The following NUMB variants were observed in gnomAD, a reference collection of about 807,000 sequenced individuals.
NUMB encodes protein numb homolog.
Under a neutral mutation model 59.7 loss-of-function variants are expected in NUMB, and 29 were observed. That is an observed-to-expected ratio of 0.49 (90% CI 0.36 to 0.66). The LOEUF (loss-of-function observed/expected upper bound fraction) is 0.66. NUMB is among the 30% of genes least tolerant of loss of function. NUMB has a pLI of 0.00. For missense variants in NUMB, 723 were observed against 822.0 expected (o/e 0.88, Z 1.47); for synonymous variants, 288 against 288.2 (o/e 1.00, Z 0.01).
At chr14:73,326,646 AG>A (rs1891679327) in intron 4 of NUMB, among the ~76,000 whole-genome samples, 1 of 151,940 alleles carries the variant, frequency 6.6e-6, no homozygotes, top group Non-Finnish European at 1.5e-5. Flanking sequence ...GAAAAAAAAA[AG>A]AAAAAGAAAA....
intron 3 of NUMB, among the ~76,000 whole-genome samples, chr14:73,364,383 A>T (rs965213307): frequency 6.6e-6 from 1 of 152,124 alleles, no homozygotes; most frequent in African/African-American, 2.4e-5. Context: ...GCCCGCTTAT[A>T]GTCCCAGCTA....
chr14:73,325,924 A>G (rs1891640061), intron 4 of NUMB, among the ~76,000 whole-genome samples: 1 of 152,214 alleles, frequency 6.6e-6, no homozygotes, highest in Non-Finnish European at 1.5e-5. Context: ...TGGTGATTCC[A>G]GGAAGATGGG....
chr14:73,368,629 A>G (rs530560628), intron 2 of NUMB, among the ~76,000 whole-genome samples: 2 of 152,258 alleles, frequency 1.3e-5, no homozygotes, highest in South Asian at 4.1e-4. Context: ...AGCAATTGGG[A>G]TAAACTATTG....
chr14:73,355,566 A>T, intron 4 of NUMB, 60 bp downstream of exon 4: 1 of 1,491,722 alleles, frequency 6.7e-7, no homozygotes, highest in East Asian at 2.4e-5. Context: ...ATGAGATTTC[A>T]CATACACTAG....
chr14:73,329,669 G>C (rs73309012), intron 4 of NUMB, among the ~76,000 whole-genome samples: 1 of 152,214 alleles, frequency 6.6e-6, no homozygotes, highest in African/African-American at 2.4e-5. Flanking sequence ...TACTCTCTTT[G>C]AACTTCCCAT....
At chr14:73,368,041 GT>G (rs1409770184) in intron 2 of NUMB, among the ~76,000 whole-genome samples, 1 of 130,930 alleles carries the variant, frequency 7.6e-6, no homozygotes, top group African/African-American at 2.8e-5. Context: ...TCTGCAAAGT[GT>G]TTAAAAAAAA....
chr14:73,446,149 A>C (rs1266760009), intron 1 of NUMB, among the ~76,000 whole-genome samples: 1 of 151,672 alleles, frequency 6.6e-6, no homozygotes, highest in Admixed American at 6.6e-5. Context: ...AGCACTCCCC[A>C]CCACACCCGG....
intron 4 of NUMB, among the ~76,000 whole-genome samples, chr14:73,325,744 C>T (rs1187716691): frequency 6.6e-6 from 1 of 152,166 alleles, no homozygotes; most frequent in African/African-American, 2.4e-5. Context: ...AATGGAACTC[C>T]TAAAGCTCAG....
intron 3 of NUMB, among the ~76,000 whole-genome samples, chr14:73,362,381 G>A (rs1894138766): frequency 9.8e-6 from 1 of 101,938 alleles, no homozygotes; most frequent in Admixed American, 1.0e-4. Context: ...GAGAGAAAGA[G>A]GGAAAAGAGG....
chr14:73,451,260 AC>A (rs1202412023), intron 1 of NUMB, among the ~76,000 whole-genome samples: 7 of 151,506 alleles, frequency 4.6e-5, no homozygotes, highest in Non-Finnish European at 7.4e-5. Flanking sequence ...ATATGGTGAA[AC>A]CCCATCTCTA....
chr14:73,406,246 C>G (rs12891913), intron 2 of NUMB, among the ~76,000 whole-genome samples: 1 of 107,776 alleles, frequency 9.3e-6, no homozygotes, highest in Non-Finnish European at 1.8e-5. Flanking sequence ...CCTCCCCCCT[C>G]CCCCCACCCC....
At chr14:73,367,187 G>A (rs1894382200) in intron 2 of NUMB, among the ~76,000 whole-genome samples, 1 of 151,020 alleles carries the variant, frequency 6.6e-6, no homozygotes, top group Non-Finnish European at 1.5e-5. Context: ...CACTAATGTA[G>A]AACCACAATT....
At chr14:73,418,126 T>C (rs576506830) in intron 1 of NUMB, among the ~76,000 whole-genome samples, 1 of 151,960 alleles carries the variant, frequency 6.6e-6, no homozygotes, top group African/African-American at 2.4e-5. Context: ...ATGTAGTCTA[T>C]ACATAAAATG....
intron 6 of NUMB, among the ~76,000 whole-genome samples, chr14:73,301,379 T>A (rs143671714): frequency 6.6e-6 from 1 of 152,212 alleles, no homozygotes; most frequent in Non-Finnish European, 1.5e-5. Context: ...AGAATGGGAC[T>A]GTTCTCCAGT....
intron 2 of NUMB, among the ~76,000 whole-genome samples, chr14:73,394,789 GTCTTT>G (rs770979305): frequency 6.6e-6 from 1 of 151,948 alleles, no homozygotes; most frequent in South Asian, 2.1e-4. Flanking sequence ...GTATTTGTCT[GTCTTT>G]TCTTTTTTTT....
Position 73,398,415 on chromosome 14 carries a change from A to AGAGTGT in NUMB, c.-101+11521_-101+11522insACACTC, listed in dbSNP as rs1438462148. On this transcript the variant is annotated intron_variant, in intron 2 of 12. Transcript: ENST00000555238. ...CACAGAGAGAGAGAGAGAGAGAGAG[A>AGAGTGT]GTGTGTGTGTGTGTGTGTGTGTGTG... Among the ~76,000 whole-genome samples, 245 of 118,874 alleles carry AGAGTGT rather than the reference A, an allele frequency of 2.1e-3. 3 individuals are homozygous for AGAGTGT. Among genetic ancestry groups the AGAGTGT allele is most frequent in the South Asian group, 9.3e-3 (34 of 3,658 alleles). The allele number at this position is 118,874 out of a possible 152,430, so 78.0% of individuals were successfully genotyped here.
chr14:73,384,659 C>T (rs947819986), intron 2 of NUMB, among the ~76,000 whole-genome samples: 9 of 152,072 alleles, frequency 5.9e-5, no homozygotes, highest in Admixed American at 1.3e-4. Flanking sequence ...CCTCTGCCTC[C>T]GAGGCTCAAA....
intron 4 of NUMB, among the ~76,000 whole-genome samples, chr14:73,331,402 G>A (rs8016921): frequency 0.22 from 32,789 of 151,888 alleles, 3,943 homozygotes; most frequent in Non-Finnish European, 0.25. Context: ...AAAATTAGCC[G>A]GGCGTGGTGG....
rs185702737 is a variant in NUMB at position 73,330,523 on chromosome 14, T to C, written c.127-7319A>G. On this transcript the variant is annotated intron_variant, in intron 4 of 12. Transcript: ENST00000555238. ...TTCTGGCTTCATGGTCTTGGGCAAA[T>C]TACACGACTTGTCTGTGTATTACTT... is the stretch of plus-strand genomic sequence containing the variant. Among the ~76,000 whole-genome samples, 135 of 152,276 alleles carry C rather than the reference T, an allele frequency of 8.9e-4. 1 individual carries two copies. In the East Asian group the frequency reaches 0.017, roughly 19 times the overall value.
Sources: allele counts gnomAD v4.1 joint callset (sites outside exome capture counted in the v4.1 genomes callset), GRCh38; gene constraint gnomAD v4.1.1; transcripts MANE v1.5; gene names NCBI Gene and HGNC (gene_info 2026-07-23, HGNC 2026-07-21).